The following TSC2 variants were observed in gnomAD, a reference collection of about 807,000 sequenced individuals.
TSC2 encodes tuberin.
In TSC2, 29 loss-of-function variants were observed where a neutral mutation model predicts 202.2. That is an observed-to-expected ratio of 0.14 (90% CI 0.11 to 0.20). The LOEUF (loss-of-function observed/expected upper bound fraction) is 0.20. Among genes scored for constraint, TSC2 ranks in the 10% least tolerant of loss-of-function variants. The probability of loss-of-function intolerance (pLI) is 1.00; values close to 1 mark genes in which losing one functional copy is unlikely to be tolerated. For missense variants in TSC2, 2,429 were observed against 2,420.0 expected, an observed-to-expected ratio of 1.00 and a Z score of -0.08; for synonymous variants, 1,349 against 1,044.0, an observed-to-expected ratio of 1.29 and a Z score of -5.63.
chr16:2,078,610 TGA>T, intron 26 of TSC2: 1 of 295,430 alleles, frequency 3.4e-6, no homozygotes, highest in Non-Finnish European at 6.6e-6. Flanking sequence ...TGCCTGAGGG[TGA>T]CGGTGGAAGG....
At position 2,079,750 on chromosome 16, in the gene TSC2, C is replaced by G. The variant is rs374455547; in HGVS notation, c.3397+81C>G. ...CTGGTCCCAGTGTTCAGGAAGGCCC[C>G]GAGCCCAGGGGCCGGGGTGGCTGGC... On this transcript the variant is annotated intron_variant, in intron 29 of 41. Transcript: ENST00000219476. The surrounding 1 kb of genome is among the most constrained non-coding windows in gnomAD (Gnocchi z 4.6). 7.7e-6 allele frequency: 11 copies of G among 1,433,944 alleles called. No homozygotes were observed. The Admixed American group carries it at 8.4e-5, about 11-fold the overall frequency. 88.8% of individuals were successfully genotyped at this position (1,433,944 alleles called of 1,614,324 possible). A position where few individuals can be genotyped will look rare whatever the true frequency, so the allele number is the denominator to read the frequency against.
chr16:2,072,044 T>G (rs1333775093), intron 19 of TSC2, 110 bp downstream of exon 19: 2 of 1,477,582 alleles, frequency 1.4e-6, no homozygotes, highest in East Asian at 4.9e-5. Context: ...AGGGCAGCCC[T>G]CCCTCAGAGC....
chr16:2,082,334 C>A, intron 31 of TSC2, 102 bp from the exon 32 acceptor site: 1 of 1,411,618 alleles, frequency 7.1e-7, no homozygotes, highest in Non-Finnish European at 1.0e-6. Flanking sequence ...GGCCGCTGGC[C>A]CTGCCCTCTC....
Position 2,085,315 on chromosome 16 carries a change from A to G in TSC2, c.4655A>G (p.Glu1552Gly), listed in dbSNP as rs2151553694. ...THKIAVLYVG[E>G]GQSNSELAIL... ...AAGATCGCCGTCCTGTATGTTGGAG[A>G]AGGCCAGGTGAGGCTGCGGGGCCGG... Residue 1552 changes from glutamate (E) to glycine (G), a missense_variant, in exon 36 of 42, where the codon GAA (glutamate) becomes GGA (glycine). Physicochemically the swap from Glu to Gly is moderately conservative, Grantham distance 98. Coordinates refer to ENST00000219476, the MANE Select transcript of TSC2 (RefSeq NM_000548.5). The G allele has an allele frequency of 1.9e-6, 3 of 1,612,624 alleles. No individual in the cohort carries two copies. Among genetic ancestry groups the G allele is most frequent in the South Asian group, 1.1e-5 (1 of 91,086 alleles).
intron 16 of TSC2, among the ~76,000 whole-genome samples, chr16:2,069,662 A>G (rs2151265842): frequency 6.6e-6 from 1 of 152,244 alleles, no homozygotes; most frequent in Admixed American, 6.5e-5. Context: ...TTGTGTTTTT[A>G]GTAGAGACAG....
intron 24 of TSC2, 103 bp from the exon 25 acceptor site, chr16:2,076,388 T>C: frequency 6.3e-7 from 1 of 1,584,120 alleles, no homozygotes; most frequent in Non-Finnish European, 8.6e-7. Context: ...GCCTTGCCCC[T>C]AGCCTGCAGC....
At chr16:2,051,113 C>G (rs1388259324) in intron 3 of TSC2, among the ~76,000 whole-genome samples, 1 of 151,616 alleles carries the variant, frequency 6.6e-6, no homozygotes, top group East Asian at 2.0e-4. Context: ...ATCACGAGGT[C>G]AGGAGTTCAA....
In TSC2 at chr16:2,084,972, C is replaced by T. The variant is rs45471791; in HGVS notation, c.4515C>T (p.Tyr1505=). ...INPSFVFLQL[Y]HSPFFGDESN... is the part of the protein sequence containing the mutation. ...GCAGTTTCGTGTTCCTGCAGCTCTA[C>T]CATTCCCCCTTCTTTGGCGACGAGT... The change falls in exon 35 of 42, where the codon TAC becomes TAT. Residue 1505 remains tyrosine, a synonymous_variant. Coordinates refer to ENST00000219476, the MANE Select transcript of TSC2 (RefSeq NM_000548.5). 1 of 1,613,348 alleles carries T rather than the reference C, an allele frequency of 6.2e-7. No homozygotes were observed. The highest frequency in any genetic ancestry group is 8.5e-7 in the Non-Finnish European group (1 of 1,179,984).
rs777941115 is a variant in TSC2, at chr16:2,076,280, G to A, written c.2742+110G>A. 39 of 1,571,528 alleles carry A rather than the reference G, an allele frequency of 2.5e-5. No homozygotes were observed. In the Admixed American group the frequency reaches 7.3e-4, roughly 29 times the overall value. On this transcript the variant is annotated intron_variant, in intron 24 of 41. Coordinates refer to ENST00000219476, the MANE Select transcript of TSC2 (RefSeq NM_000548.5). ...CAGGCAGGTGGAGGGCAGTGGGAGG[G>A]TGTTTGGGGCTGTGCCTGTGGCGCT...
intron 24 of TSC2, 125 bp from the exon 25 acceptor site, chr16:2,076,366 C>T: frequency 1.9e-6 from 3 of 1,574,876 alleles, no homozygotes; most frequent in Non-Finnish European, 2.6e-6. Flanking sequence ...GGGGTGGGAG[C>T]TGGGTGCCGC....
At chr16:2,078,960 T>C in intron 26 of TSC2, 72 bp from the exon 27 acceptor site, 1 of 1,599,620 alleles carries the variant, frequency 6.3e-7, no homozygotes, top group Non-Finnish European at 8.5e-7. Context: ...CGTTGAGCTT[T>C]GGCCCTTGGT....
rs773192790 is a variant in TSC2, at chr16:2,056,149, G to A, written c.600-47G>A. 22 of 1,611,486 alleles carry A rather than the reference G, an allele frequency of 1.4e-5. No individual in the cohort carries two copies. The East Asian group carries it at 1.8e-4, about 13-fold the overall frequency. On this transcript the variant is annotated intron_variant, in intron 6 of 41. Coordinates refer to ENST00000219476, the MANE Select transcript of TSC2 (RefSeq NM_000548.5). Reference sequence around the variant, plus strand: ...ACTAGACCACAGCCCGTGGTGGCTCGGCCATCCAGGCAGTGCTGCCGGGAC... The same window carrying A: ...ACTAGACCACAGCCCGTGGTGGCTCAGCCATCCAGGCAGTGCTGCCGGGAC...
At chr16:2,081,088 T>C (rs1319782544) in intron 30 of TSC2, 1 of 239,054 alleles carries the variant, frequency 4.2e-6, no homozygotes, top group African/African-American at 2.3e-5. Flanking sequence ...GGTCCCTTGC[T>C]AGCCGTAATT....
Position 2,065,541 on chromosome 16 carries a change from C to G in TSC2, c.1622C>G (p.Pro541Arg), listed in dbSNP as rs752953762. Reference sequence around the variant, plus strand: ...AAGGTGATGGCCCGCTCCCTCTCCCCACCCCCGGAGCTGGAAGAAAGGGAT... The same window carrying G: ...AAGGTGATGGCCCGCTCCCTCTCCCGACCCCCGGAGCTGGAAGAAAGGGAT... ...IEKVMARSLS[P>R]PPELEERDVA... The change falls in exon 16 of 42, where the codon CCA (proline) becomes CGA (arginine). Residue 541 changes from proline to arginine, a missense_variant. By Grantham distance (103) the Pro-to-Arg change is moderately radical (BLOSUM62 -2). Coordinates refer to ENST00000219476, the MANE Select transcript of TSC2 (RefSeq NM_000548.5). 22 of 1,613,652 alleles carry G rather than the reference C, an allele frequency of 1.4e-5. No individual in the cohort carries two copies. The East Asian group carries it at 4.5e-4, about 33-fold the overall frequency.
intron 32 of TSC2, 134 bp from the exon 33 acceptor site, chr16:2,083,561 C>T (rs2090393780): frequency 9.0e-6 from 13 of 1,451,906 alleles, no homozygotes; most frequent in African/African-American, 1.4e-5. Flanking sequence ...TGGATGGCAG[C>T]AGTAAGCAGA....
chr16:2,083,535 C>G (rs1179187133), intron 32 of TSC2, 160 bp from the exon 33 acceptor site: 1 of 1,297,636 alleles, frequency 7.7e-7, no homozygotes, highest in East Asian at 2.5e-5. Context: ...TCCCAGCGTC[C>G]TCCCTGCCCG....
intron 10 of TSC2, 54 bp downstream of exon 10, chr16:2,058,927 C>G: frequency 1.9e-6 from 3 of 1,578,960 alleles, no homozygotes; most frequent in East Asian, 2.3e-5. Flanking sequence ...GCTCCCCTCA[C>G]GCCTGCCCAC....
chr16:2,086,666 C>T, intron 37 of TSC2, 66 bp from the exon 38 acceptor site: 1 of 1,597,808 alleles, frequency 6.3e-7, no homozygotes, highest in South Asian at 1.1e-5. Context: ...AGGAGGTGCC[C>T]CAGTGCAAGG....
intron 9 of TSC2, among the ~76,000 whole-genome samples, chr16:2,058,369 A>T (rs191734407): frequency 2.0e-5 from 3 of 152,286 alleles, no homozygotes. Context: ...CACCTCCCTG[A>T]GTAGTTTTTG....
Sources: gnomAD v4.1 joint callset for allele counts (sites outside exome capture counted in the v4.1 genomes callset) on GRCh38, gnomAD v4.1.1 for gene constraint, Gnocchi (gnomAD v3.1) non-coding constraint, MANE v1.5 for transcripts, NCBI Gene and HGNC (gene_info 2026-07-23, HGNC 2026-07-21) for gene names.